Variants in PRR16 observed in about 807,000 individuals in gnomAD.
The protein encoded by PRR16 is proline rich 16, also known as protein Largen.
In PRR16, 6 loss-of-function variants were observed where a neutral mutation model predicts 18.2. The observed-to-expected ratio is 0.33, with a 90% CI of 0.18 to 0.65. The LOEUF is 0.65. Among genes scored for constraint, PRR16 ranks in the 30% least tolerant of loss-of-function variants. PRR16 has a pLI of 0.74. For missense variants in PRR16, 412 were observed against 376.6 expected, an observed-to-expected ratio of 1.09 and a Z score of -0.78; for synonymous variants, 151 against 147.8, an observed-to-expected ratio of 1.02 and a Z score of -0.16.
intron 1 of PRR16, among the ~76,000 whole-genome samples, chr5:120,484,599 A>G (rs1293627781): frequency 6.8e-6 from 1 of 146,122 alleles, no homozygotes; most frequent in Non-Finnish European, 1.5e-5. Context: ...TATATAATAT[A>G]TAATATATTA....
the PRR16 span, among the ~76,000 whole-genome samples, chr5:120,777,319 C>T: frequency 1.5e-4 from 23 of 152,126 alleles, no homozygotes; most frequent in African/African-American, 5.1e-4. Flanking sequence ...AGGTTAAATA[C>T]GCTTATTACT....
At chr5:120,558,628 T>C (rs913757652) in intron 1 of PRR16, among the ~76,000 whole-genome samples, 1 of 151,958 alleles carries the variant, frequency 6.6e-6, no homozygotes, top group Non-Finnish European at 1.5e-5. Context: ...AGATATCTCT[T>C]TGATACGCTG....
intron 1 of PRR16, chr5:120,618,589 A>G (rs1754587795): frequency 1.1e-6 from 1 of 908,392 alleles, no homozygotes; most frequent in Non-Finnish European, 1.3e-6. Flanking sequence ...AAGTTATAGC[A>G]AATCACATAA....
At chr5:120,662,025 G>T (rs1021628974) in intron 1 of PRR16, among the ~76,000 whole-genome samples, 5 of 152,100 alleles carry the variant, frequency 3.3e-5, no homozygotes, top group Non-Finnish European at 5.9e-5. Context: ...CACAGCTGGG[G>T]TGGAAAATGG....
chr5:120,505,424 A>C (rs1332942214), intron 1 of PRR16, among the ~76,000 whole-genome samples: 1 of 152,188 alleles, frequency 6.6e-6, no homozygotes, highest in Non-Finnish European at 1.5e-5. Context: ...CAGGTGTCCA[A>C]TCACAAATGG....
chr5:120,693,096 C>A, the PRR16 span, among the ~76,000 whole-genome samples: 3 of 151,992 alleles, frequency 2.0e-5, no homozygotes. Flanking sequence ...AAATTTAGGA[C>A]TGTGATGATG....
chr5:120,589,997 A>G (rs6881097), intron 1 of PRR16, among the ~76,000 whole-genome samples: 101,409 of 151,912 alleles, frequency 0.67, 35,279 homozygotes, highest in East Asian at 0.84. Context: ...CCCTACTCAA[A>G]AGATTTCTAT....
chr5:120,524,254 A>G (rs1580684176), intron 1 of PRR16, among the ~76,000 whole-genome samples: 1 of 152,192 alleles, frequency 6.6e-6, no homozygotes, highest in Non-Finnish European at 1.5e-5. Context: ...TACAGAAAAT[A>G]TAGTACCAAA....
chr5:120,481,007 C>G (rs1021707423), intron 1 of PRR16, among the ~76,000 whole-genome samples: 5 of 152,128 alleles, frequency 3.3e-5, no homozygotes, highest in African/African-American at 1.2e-4. Context: ...TTAAACCACA[C>G]TAATCAAATT....
At chr5:120,583,396 A>C (rs547781263) in intron 1 of PRR16, among the ~76,000 whole-genome samples, 49 of 152,026 alleles carry the variant, frequency 3.2e-4, no homozygotes, top group Admixed American at 2.1e-3. Context: ...CTGTTCTTCC[A>C]TCTGAGAAAG....
At chr5:120,524,494 TAG>T (rs1477677752) in intron 1 of PRR16, among the ~76,000 whole-genome samples, 1 of 151,986 alleles carries the variant, frequency 6.6e-6, no homozygotes, top group African/African-American at 2.4e-5. Context: ...CTCATGAATA[TAG>T]AGAGTGGAAG....
At chr5:120,561,291 C>T (rs946794377) in intron 1 of PRR16, among the ~76,000 whole-genome samples, 2 of 151,602 alleles carry the variant, frequency 1.3e-5, no homozygotes, top group African/African-American at 2.4e-5. Context: ...TCACTGTATC[C>T]CATAGGTTTC....
chr5:120,700,363 G>T, the PRR16 span, among the ~76,000 whole-genome samples: 1 of 152,056 alleles, frequency 6.6e-6, no homozygotes, highest in African/African-American at 2.4e-5. Context: ...GGGTGATTAG[G>T]TTTTAATGAG....
intron 1 of PRR16, among the ~76,000 whole-genome samples, chr5:120,558,241 T>C (rs995696958): frequency 2.6e-5 from 4 of 151,884 alleles, no homozygotes; most frequent in Non-Finnish European, 4.4e-5. Context: ...GTCTTATTCA[T>C]TTTTCTAATT....
the PRR16 span, among the ~76,000 whole-genome samples, chr5:120,779,695 C>G: frequency 6.6e-6 from 1 of 152,094 alleles, no homozygotes; most frequent in Non-Finnish European, 1.5e-5. Flanking sequence ...AGGGTATTTA[C>G]AACTCTCTGA....
intron 1 of PRR16, among the ~76,000 whole-genome samples, chr5:120,525,722 C>G (rs1259278892): frequency 1.3e-5 from 2 of 150,184 alleles, no homozygotes; most frequent in African/African-American, 4.9e-5. Flanking sequence ...AAAATGGACA[C>G]ACATGAAACA....
At chr5:120,496,057 A>G (rs1353285775) in intron 1 of PRR16, among the ~76,000 whole-genome samples, 4 of 152,008 alleles carry the variant, frequency 2.6e-5, no homozygotes, top group African/African-American at 4.8e-5. Flanking sequence ...ATTTTCACCA[A>G]TTGATACGAT....
chr5:120,541,342 C>T (rs1427331464), intron 1 of PRR16, among the ~76,000 whole-genome samples: 2 of 152,166 alleles, frequency 1.3e-5, no homozygotes, highest in African/African-American at 2.4e-5. Context: ...GATGTGGTTT[C>T]ACTATGTTGG....
chr5:120,750,898 A>G, the PRR16 span, among the ~76,000 whole-genome samples: 8 of 152,192 alleles, frequency 5.3e-5, no homozygotes, highest in Non-Finnish European at 8.8e-5. Context: ...GTTGCTAAAC[A>G]TTAGAACTTA....
Sources: allele counts gnomAD v4.1 joint callset (sites outside exome capture counted in the v4.1 genomes callset), GRCh38; gene constraint gnomAD v4.1.1; transcripts MANE v1.5; gene names NCBI Gene and HGNC (gene_info 2026-07-23, HGNC 2026-07-21).